Variants in COL13A1 observed in about 807,000 individuals in gnomAD.
COL13A1 encodes collagen type XIII alpha 1 chain.
In COL13A1, 89 loss-of-function variants were observed where a neutral mutation model predicts 130.9. The ratio of observed to expected loss-of-function variants is 0.68; its 90% CI spans 0.57 to 0.81. The LOEUF is 0.81. Ranked by LOEUF, COL13A1 falls within the 30% of genes least tolerant of loss-of-function variation. The pLI is 0.00. For missense variants in COL13A1, 879 were observed against 934.6 expected (o/e 0.94, Z 0.78); for synonymous variants, 402 against 341.6 (o/e 1.18, Z -1.95).
At chr10:69,936,516 C>G (rs369429517) in intron 32 of COL13A1, among the ~76,000 whole-genome samples, 1 of 152,170 alleles carries the variant, frequency 6.6e-6, no homozygotes, top group Non-Finnish European at 1.5e-5. Flanking sequence ...TCTGGGTCAA[C>G]CATGAGGACC....
chr10:69,825,643 C>T (rs895445442), intron 2 of COL13A1, among the ~76,000 whole-genome samples: 1 of 152,212 alleles, frequency 6.6e-6, no homozygotes, highest in Non-Finnish European at 1.5e-5. Context: ...GAGATGGAAG[C>T]CTCGATCCTC....
chr10:69,914,456 C>A (rs1037959796), intron 17 of COL13A1, among the ~76,000 whole-genome samples: 1 of 152,194 alleles, frequency 6.6e-6, no homozygotes, highest in Non-Finnish European at 1.5e-5. Context: ...ACTTTGCAAC[C>A]AAGAACCCTG....
At chr10:69,932,869 G>C (rs1240386789) in intron 31 of COL13A1, among the ~76,000 whole-genome samples, 1 of 152,092 alleles carries the variant, frequency 6.6e-6, no homozygotes, top group Non-Finnish European at 1.5e-5. Context: ...GGGCACGGTG[G>C]CTCACGCCTG....
At chr10:69,889,936 G>A (rs1014205564) in intron 10 of COL13A1, among the ~76,000 whole-genome samples, 1 of 152,266 alleles carries the variant, frequency 6.6e-6, no homozygotes, top group East Asian at 1.9e-4. Context: ...TCAGCTGGGG[G>A]TGCCACATGC....
At chr10:69,881,371 G>A (rs1017836506) in intron 7 of COL13A1, among the ~76,000 whole-genome samples, 3 of 152,264 alleles carry the variant, frequency 2.0e-5, no homozygotes, top group South Asian at 2.1e-4. Context: ...GCAGCAGGCC[G>A]CCGGCTCCAC....
intron 34 of COL13A1, among the ~76,000 whole-genome samples, chr10:69,938,673 C>T (rs770615149): frequency 2.6e-5 from 4 of 152,196 alleles, no homozygotes; most frequent in Admixed American, 1.3e-4. Context: ...AGCCCAGTTA[C>T]CCCCGCTTGG....
chr10:69,930,158 A>C, intron 29 of COL13A1, 71 bp downstream of exon 29: 1 of 1,520,346 alleles, frequency 6.6e-7, no homozygotes. Flanking sequence ...GTCGGGCAGG[A>C]AGGCTCTAGA....
chr10:69,912,052 G>A (rs2063438754), intron 17 of COL13A1, among the ~76,000 whole-genome samples: 1 of 152,218 alleles, frequency 6.6e-6, no homozygotes, highest in African/African-American at 2.4e-5. Flanking sequence ...AAATCCTAGT[G>A]GGGACCATTC....
In COL13A1 at chr10:69,830,420, C is replaced by T. The variant is rs117028816; in HGVS notation, c.364+7982C>T. ...ATGCACACACAGTAAACAGGATAAACGAGACCTTCAGACTCAGCAATTCCA... is the reference window on the plus strand; with the variant it reads ...ATGCACACACAGTAAACAGGATAAATGAGACCTTCAGACTCAGCAATTCCA... On this transcript the variant is annotated intron_variant, in intron 2 of 40. Transcript: ENST00000645393. Among the ~76,000 whole-genome samples, 811 of 152,296 alleles carry T rather than the reference C, an allele frequency of 5.3e-3. 25 individuals are homozygous for T. In the East Asian group the frequency reaches 0.083, roughly 16 times the overall value.
At chr10:69,929,093 C>A in intron 28 of COL13A1, 94 bp downstream of exon 28, 1 of 971,394 alleles carries the variant, frequency 1.0e-6, no homozygotes, top group Non-Finnish European at 1.6e-6. Context: ...CTTCCCAGCA[C>A]TACCACCATA....
chr10:69,878,577 G>C (rs925786284), intron 6 of COL13A1, among the ~76,000 whole-genome samples: 1 of 152,160 alleles, frequency 6.6e-6, no homozygotes, highest in Non-Finnish European at 1.5e-5. Context: ...CGTCTCCTGG[G>C]TTCAAGCAAT....
chr10:69,902,301 G>A (rs185971052), intron 14 of COL13A1, among the ~76,000 whole-genome samples: 1 of 152,304 alleles, frequency 6.6e-6, no homozygotes, highest in Admixed American at 6.5e-5. Context: ...GGAAACGAGG[G>A]CTATTGTTCC....
rs1191267818 is a variant in COL13A1 at position 69,919,087 on chromosome 10, A to T, written c.1025A>T (p.Lys342Met). The stretch of plus-strand genomic sequence containing the variant: ...GGTGAGCCAGGGATCCCAGGAACCA[A>T]GGTACTGATGCAGAGAGAATGTTCC... Reference protein sequence around the residue: ...MKGEPGIPGTKGDPGAEGKPG... With the variant: ...MKGEPGIPGTMGDPGAEGKPG... Residue 342 changes from lysine (K) to methionine (M), a missense_variant and splice_region_variant, in exon 20 of 41, where the codon AAG becomes ATG. Transcript: ENST00000645393. 6.8e-6 allele frequency: 11 copies of T among 1,613,884 alleles called. No homozygotes were observed. The highest frequency in any genetic ancestry group is 8.5e-6 in the Non-Finnish European group (10 of 1,179,878).
At chr10:69,883,667 G>A (rs2060348135) in intron 7 of COL13A1, among the ~76,000 whole-genome samples, 1 of 152,230 alleles carries the variant, frequency 6.6e-6, no homozygotes, top group Admixed American at 6.5e-5. Context: ...GGCAGGGAAG[G>A]TTTCCTGGAG....
intron 1 of COL13A1, among the ~76,000 whole-genome samples, chr10:69,803,164 G>T (rs1013469708): frequency 2.6e-5 from 4 of 152,172 alleles, no homozygotes; most frequent in African/African-American, 9.6e-5. Context: ...ACCCCTTAAG[G>T]ACCCGGGGGG....
chr10:69,867,488 A>G (rs568503845), intron 2 of COL13A1, among the ~76,000 whole-genome samples: 7 of 152,336 alleles, frequency 4.6e-5, no homozygotes, highest in African/African-American at 1.7e-4. Context: ...CTTGTACACA[A>G]GTTCAGGCAG....
chr10:69,839,874 C>T (rs1445077170), intron 2 of COL13A1, among the ~76,000 whole-genome samples: 2 of 152,316 alleles, frequency 1.3e-5, no homozygotes, highest in East Asian at 3.9e-4. Flanking sequence ...TTGTACATTT[C>T]ACCCTCAATG....
At position 69,820,589 on chromosome 10, in the gene COL13A1, A is replaced by C. The variant is rs150883535; in HGVS notation, c.295-1780A>C. ...TCACCAGACTTTGGCCTGGGGGCTCATTTGTTTGCCCAGCGGCCGCTCTGT... is the reference window on the plus strand; with the variant it reads ...TCACCAGACTTTGGCCTGGGGGCTCCTTTGTTTGCCCAGCGGCCGCTCTGT... On this transcript the variant is annotated intron_variant, in intron 1 of 40. Transcript: ENST00000645393. Among the ~76,000 whole-genome samples the C allele has an allele frequency of 8.6e-3, 1,315 of 152,266 alleles. 8 individuals are homozygous for C. Among genetic ancestry groups the C allele is most frequent in the Non-Finnish European group, 0.014 (927 of 68,006 alleles).
chr10:69,949,926 A>G (rs2069137782), intron 38 of COL13A1, among the ~76,000 whole-genome samples: 1 of 79,464 alleles, frequency 1.3e-5, no homozygotes, highest in Admixed American at 1.3e-4. Context: ...GGGTGCACGC[A>G]TGTTTGTGTG....
Sources: gnomAD v4.1 joint callset for allele counts (sites outside exome capture counted in the v4.1 genomes callset) on GRCh38, gnomAD v4.1.1 for gene constraint, MANE v1.5 for transcripts, NCBI Gene and HGNC (gene_info 2026-07-23, HGNC 2026-07-21) for gene names.